The following CYP7B1 variants were observed in gnomAD, a reference collection of about 807,000 sequenced individuals.
CYP7B1 encodes cytochrome P450 7B1.
In CYP7B1, 29 loss-of-function variants were observed where a neutral mutation model predicts 42.7. That is an observed-to-expected ratio of 0.68 (90% CI 0.51 to 0.93). The LOEUF (loss-of-function observed/expected upper bound fraction) is 0.93. Among genes scored for constraint, CYP7B1 ranks in the 40% least tolerant of loss-of-function variants. The probability of loss-of-function intolerance (pLI) is 0.00; values close to 1 mark genes in which losing one functional copy is unlikely to be tolerated. For synonymous variants in CYP7B1, 235 were observed against 218.2 expected, an observed-to-expected ratio of 1.08 and a Z score of -0.68; for missense variants, 655 against 600.5, an observed-to-expected ratio of 1.09 and a Z score of -0.95.
rs1188928044 is a variant in CYP7B1, at chr8:64,595,733, G to T, written c.*909C>A. Reference sequence around the variant, plus strand: ...GAACACATGAACTCCAAATCCAAAAGGTGAGACATCAAAACCAAATACTAT... The same window carrying T: ...GAACACATGAACTCCAAATCCAAAATGTGAGACATCAAAACCAAATACTAT... On this transcript the variant is annotated 3_prime_UTR_variant, in exon 6 of 6. Coordinates refer to ENST00000310193, the MANE Select transcript of CYP7B1 (RefSeq NM_004820.5). Among the ~76,000 whole-genome samples the T allele has an allele frequency of 1.3e-5, 2 of 152,116 alleles. No individual in the cohort carries two copies. The highest frequency in any genetic ancestry group is 2.4e-5 in the African/African-American group (1 of 41,428).
At chr8:64,613,120 A>T (rs1485173223) in intron 4 of CYP7B1, among the ~76,000 whole-genome samples, 1 of 152,164 alleles carries the variant, frequency 6.6e-6, no homozygotes, top group Non-Finnish European at 1.5e-5. Flanking sequence ...GTCGTGATGA[A>T]CCATCCAGGC....
intron 1 of CYP7B1, among the ~76,000 whole-genome samples, chr8:64,727,553 C>T (rs1324841946): frequency 6.6e-6 from 1 of 152,142 alleles, no homozygotes; most frequent in African/African-American, 2.4e-5. Context: ...AAGATTCCAA[C>T]ATCAAAGCCA....
chr8:64,620,484 T>C (rs1206477380), intron 2 of CYP7B1, among the ~76,000 whole-genome samples: 1 of 152,202 alleles, frequency 6.6e-6, no homozygotes, highest in African/African-American at 2.4e-5. Flanking sequence ...GAGAACTATT[T>C]TCTGCGACAG....
chr8:64,762,662 T>A (rs541608128), intron 1 of CYP7B1, among the ~76,000 whole-genome samples: 1 of 152,336 alleles, frequency 6.6e-6, no homozygotes, highest in African/African-American at 2.4e-5. Flanking sequence ...ATAGCTCACA[T>A]CCTTCTTGAA....
intron 1 of CYP7B1, among the ~76,000 whole-genome samples, chr8:64,654,463 A>G (rs1806090126): frequency 6.6e-6 from 1 of 152,216 alleles, no homozygotes; most frequent in Non-Finnish European, 1.5e-5. Flanking sequence ...ATAACTAACC[A>G]GGGAGGTGAA....
intron 1 of CYP7B1, among the ~76,000 whole-genome samples, chr8:64,648,424 A>G (rs945374396): frequency 2.0e-5 from 3 of 152,218 alleles, no homozygotes; most frequent in Admixed American, 1.3e-4. Context: ...CTGGCCACAC[A>G]TATTTGTGCT....
chr8:64,643,146 C>CATATATATACGT (rs373876032), intron 1 of CYP7B1, among the ~76,000 whole-genome samples: 1 of 28,078 alleles, frequency 3.6e-5, no homozygotes, highest in Admixed American at 3.5e-4. Context: ...TACATATATA[C>CATATATATACGT]ATATATACAT....
intron 1 of CYP7B1, among the ~76,000 whole-genome samples, chr8:64,778,857 C>T (rs1804370038): frequency 6.6e-6 from 1 of 152,082 alleles, no homozygotes; most frequent in African/African-American, 2.4e-5. Context: ...AGACCCCAAA[C>T]CTCTACTAAG....
intron 1 of CYP7B1, among the ~76,000 whole-genome samples, chr8:64,772,082 T>A (rs909860992): frequency 2.6e-5 from 4 of 152,188 alleles, no homozygotes; most frequent in African/African-American, 9.7e-5. Context: ...ATTGAAGCAA[T>A]CTGAAGAGAA....
intron 1 of CYP7B1, among the ~76,000 whole-genome samples, chr8:64,736,746 G>C (rs1237872582): frequency 6.6e-6 from 1 of 151,954 alleles, no homozygotes; most frequent in African/African-American, 2.4e-5. Flanking sequence ...ACCACACCTG[G>C]GCTGAATTTT....
chr8:64,776,980 T>C (rs940817472), intron 1 of CYP7B1, among the ~76,000 whole-genome samples: 2 of 152,132 alleles, frequency 1.3e-5, no homozygotes, highest in Non-Finnish European at 2.9e-5. Context: ...GAATTTCCTG[T>C]TCCTTTGGGT....
At chr8:64,599,856 G>C (rs1046718435) in intron 5 of CYP7B1, among the ~76,000 whole-genome samples, 7 of 152,172 alleles carry the variant, frequency 4.6e-5, no homozygotes, top group African/African-American at 1.4e-4. Flanking sequence ...ACCTCATCAT[G>C]TGTGACTATG....
chr8:64,610,849 A>AACT (rs919039481), intron 4 of CYP7B1, among the ~76,000 whole-genome samples: 2 of 152,104 alleles, frequency 1.3e-5, no homozygotes, highest in African/African-American at 4.8e-5. Flanking sequence ...ATCTGGCATC[A>AACT]ACTTCTGGTT....
chr8:64,700,325 G>C lies in CYP7B1; in HGVS notation c.123-75786C>G, dbSNP rs183806245. Among the ~76,000 whole-genome samples the C allele has an allele frequency of 1.1e-3, 160 of 152,110 alleles. 4 individuals carry two copies. Among genetic ancestry groups the C allele is most frequent in the Admixed American group, 9.8e-3 (149 of 15,268 alleles). The stretch of plus-strand genomic sequence containing the variant: ...GACCATCTATGATCCTAGTAACGGT[G>C]GCCACTAATTCACTGCACTTGTCCA... On this transcript the variant is annotated intron_variant, in intron 1 of 5. Coordinates refer to ENST00000310193, the MANE Select transcript of CYP7B1 (RefSeq NM_004820.5).
At chr8:64,713,195 C>A (rs1304191153) in intron 1 of CYP7B1, among the ~76,000 whole-genome samples, 1 of 152,082 alleles carries the variant, frequency 6.6e-6, no homozygotes, top group East Asian at 1.9e-4. Context: ...TCCAGACCCA[C>A]CCTTAAATGC....
intron 1 of CYP7B1, among the ~76,000 whole-genome samples, chr8:64,785,173 T>C (rs1804501137): frequency 6.6e-6 from 1 of 152,180 alleles, no homozygotes; most frequent in African/African-American, 2.4e-5. Context: ...TCACACCTAT[T>C]AGTATGGCTA....
intron 1 of CYP7B1, among the ~76,000 whole-genome samples, chr8:64,706,961 C>G (rs1236721174): frequency 2.0e-5 from 3 of 151,976 alleles, no homozygotes; most frequent in African/African-American, 7.2e-5. Flanking sequence ...AACAATTGAG[C>G]AATTCATCCA....
intron 5 of CYP7B1, 71 bp from the exon 6 acceptor site, chr8:64,597,000 T>C: frequency 7.4e-7 from 1 of 1,354,192 alleles, no homozygotes. Flanking sequence ...ACAAAGTTGC[T>C]AGCTCTCTCT....
chr8:64,603,230 GA>G (rs1563539186), intron 5 of CYP7B1, among the ~76,000 whole-genome samples: 2 of 151,918 alleles, frequency 1.3e-5, no homozygotes, highest in South Asian at 4.2e-4. Context: ...TATTCCAAAA[GA>G]AAAAAATATA....
Sources: allele counts gnomAD v4.1 joint callset (sites outside exome capture counted in the v4.1 genomes callset), GRCh38; gene constraint gnomAD v4.1.1; transcripts MANE v1.5; gene names NCBI Gene and HGNC (gene_info 2026-07-23, HGNC 2026-07-21).